YY1: variants seen among roughly 807,000 people sequenced by gnomAD.
YY1 encodes the protein transcriptional repressor protein YY1.
YY1 carries 2 observed loss-of-function variants against 35.6 expected under a neutral mutation model. The ratio of observed to expected loss-of-function variants is 0.06; its 90% CI spans 0.02 to 0.18. The LOEUF (loss-of-function observed/expected upper bound fraction) is 0.18, where lower values mean the gene tolerates loss of function less well. YY1 is among the 10% of genes least tolerant of loss of function. The probability of loss-of-function intolerance (pLI) is 1.00; values close to 1 mark genes in which losing one functional copy is unlikely to be tolerated. For missense variants in YY1, 322 were observed against 573.4 expected, an observed-to-expected ratio of 0.56 and a Z score of 4.48; for synonymous variants, 268 against 238.9, an observed-to-expected ratio of 1.12 and a Z score of -1.12.
Position 100,276,359 on chromosome 14 carries a change from TACTA to T in YY1, c.904-129_904-126del. 5 of 1,246,688 alleles carry T rather than the reference TACTA, an allele frequency of 4.0e-6. No homozygotes were observed. The highest frequency in any genetic ancestry group is 5.7e-6 in the Non-Finnish European group (5 of 872,088). 77.2% of individuals were successfully genotyped at this position (1,246,688 alleles called of 1,614,324 possible). ...AAATGATATTAATGTTCTACCGTAA[TACTA>T]AGTAAAATTAAAATGGGGGGTTGGG... is the stretch of plus-strand genomic sequence containing the variant. On this transcript the variant is annotated intron_variant, in intron 3 of 4. Coordinates refer to ENST00000262238, the MANE Select transcript of YY1 (RefSeq NM_003403.5). The surrounding 1 kb of genome is among the most constrained non-coding windows in gnomAD (Gnocchi z 4.1).
intron 2 of YY1, among the ~76,000 whole-genome samples, chr14:100,265,905 C>A (rs1454953244): frequency 6.6e-6 from 1 of 152,130 alleles, no homozygotes; most frequent in Non-Finnish European, 1.5e-5. Context: ...CCTCGGCCTC[C>A]CAAAGGGCTG....
chr14:100,271,529 T>C (rs1223128056), intron 2 of YY1, among the ~76,000 whole-genome samples: 1 of 152,172 alleles, frequency 6.6e-6, no homozygotes, highest in East Asian at 1.9e-4. Flanking sequence ...TTCAAAATGC[T>C]TAGGAACAGT....
At position 100,277,632 on chromosome 14, in the gene YY1, G is replaced by A. The variant is rs1342624144; in HGVS notation, c.*32G>A. 6.2e-7 allele frequency: 1 copy of A among 1,607,922 alleles called. No homozygotes were observed. The highest frequency in any genetic ancestry group is 1.1e-5 in the South Asian group (1 of 90,796). On this transcript the variant is annotated 3_prime_UTR_variant, in exon 5 of 5. Transcript: ENST00000262238. The surrounding 1 kb of genome is among the most constrained non-coding windows in gnomAD (Gnocchi z 5.6). Reference sequence around the variant, plus strand: ...GAGAGAAGACCCTTCTCGACCACGGGAAGCATCTTCCAGAAGTGTGATTGG... The same window carrying A: ...GAGAGAAGACCCTTCTCGACCACGGAAAGCATCTTCCAGAAGTGTGATTGG...
intron 2 of YY1, among the ~76,000 whole-genome samples, chr14:100,269,936 G>A (rs962783365): frequency 2.0e-5 from 3 of 152,054 alleles, no homozygotes; most frequent in Non-Finnish European, 4.4e-5. Flanking sequence ...CTTTGGGGGC[G>A]TATTTGAAAA....
chr14:100,247,470 C>A (rs1890851173), intron 1 of YY1, among the ~76,000 whole-genome samples: 2 of 151,860 alleles, frequency 1.3e-5, no homozygotes, highest in African/African-American at 4.8e-5. Flanking sequence ...CAGCCTCGAC[C>A]TCCTGGGCTC....
At chr14:100,264,114 C>T (rs1330340086) in intron 2 of YY1, 2 of 152,120 alleles carry the variant, frequency 1.3e-5, no homozygotes, top group Non-Finnish European at 2.9e-5. Context: ...ATCCTCCTGC[C>T]TCGGTCTCTC....
In YY1 at chr14:100,239,733, C is replaced by T; in HGVS notation, c.489C>T (p.Gly163=). ...VAAAGKSGGG[G]SSSSGGGRVK... is the part of the protein sequence containing the mutation. ...CGGCCGGCAAGAGCGGCGGCGGCGG[C>T]TCGTCGTCGTCGGGAGGCGGCCGCG... The change falls in exon 1 of 5, where the codon GGC becomes GGT. Residue 163 remains glycine, a synonymous_variant. Transcript: ENST00000262238. 6.3e-7 allele frequency: 1 copy of T among 1,591,692 alleles called. No homozygotes were observed. Among genetic ancestry groups the T allele is most frequent in the Non-Finnish European group, 8.5e-7 (1 of 1,173,936 alleles).
At chr14:100,272,962 T>TTTG (rs1285236383) in intron 2 of YY1, among the ~76,000 whole-genome samples, 2 of 132,592 alleles carry the variant, frequency 1.5e-5, no homozygotes, top group South Asian at 3.1e-4. Context: ...TTGTTTTTTT[T>TTTG]TTGTTTTTTT....
intron 1 of YY1, among the ~76,000 whole-genome samples, chr14:100,245,243 T>A (rs1287922048): frequency 1.3e-5 from 2 of 152,190 alleles, no homozygotes; most frequent in African/African-American, 2.4e-5. Context: ...TCCTGTTTCT[T>A]CTGTATTTAA....
At chr14:100,271,265 T>A (rs920070012) in intron 2 of YY1, among the ~76,000 whole-genome samples, 1 of 151,962 alleles carries the variant, frequency 6.6e-6, no homozygotes, top group East Asian at 1.9e-4. Context: ...AATAAATTAA[T>A]TAAATTAAAT....
chr14:100,281,009 G>C lies in YY1; in HGVS notation c.*3409G>C, dbSNP rs909187170. 1 of 129,436 alleles carries C rather than the reference G, an allele frequency of 7.7e-6. No individual in the cohort carries two copies. The highest frequency in any genetic ancestry group is 2.9e-5 in the African/African-American group (1 of 34,406). 8.0% of individuals were successfully genotyped at this position (129,436 alleles called of 1,614,324 possible). A position where few individuals can be genotyped will look rare whatever the true frequency, so the allele number is the denominator to read the frequency against. On this transcript the variant is annotated 3_prime_UTR_variant, in exon 5 of 5. Transcript: ENST00000262238. ...CGGGAGGCGGAGCTTGCAGTGAGCC[G>C]AGATCGCACCACTGCACTCCAGCCT...
chr14:100,269,043 G>T (rs1891195304), intron 2 of YY1, among the ~76,000 whole-genome samples: 2 of 152,206 alleles, frequency 1.3e-5, no homozygotes, highest in South Asian at 2.1e-4. Context: ...AAATCGGGCA[G>T]TCATGTCATT....
intron 1 of YY1, among the ~76,000 whole-genome samples, chr14:100,260,336 T>A (rs919774050): frequency 6.6e-6 from 1 of 151,590 alleles, no homozygotes; most frequent in African/African-American, 2.4e-5. Flanking sequence ...TGAGCCACTG[T>A]GGCCTGGCCG....
Position 100,277,817 on chromosome 14 carries a change from C to A in YY1, c.*217C>A. On this transcript the variant is annotated 3_prime_UTR_variant, in exon 5 of 5. Coordinates refer to ENST00000262238, the MANE Select transcript of YY1 (RefSeq NM_003403.5). This position sits in a 1 kb window ranked among gnomAD's most constrained non-coding sequence, Gnocchi z 5.6. ...GATGCTCTATCTTGCTCTGTAATCT[C>A]GTTTCAAAAACACAGTGTTTTTGTA... The A allele has an allele frequency of 1.8e-6, 1 of 565,446 alleles. No homozygotes were observed. Among genetic ancestry groups the A allele is most frequent in the Non-Finnish European group, 3.1e-6 (1 of 326,316 alleles). The allele number at this position is 565,446 out of a possible 1,614,324, so 35.0% of individuals were successfully genotyped here.
rs1053342194 is a variant in YY1 at position 100,277,613 on chromosome 14, A to C, written c.*13A>C. The stretch of plus-strand genomic sequence containing the variant: ...AAACAACCAGTGAAAAGAAGAGAGA[A>C]GACCCTTCTCGACCACGGGAAGCAT... On this transcript the variant is annotated 3_prime_UTR_variant, in exon 5 of 5. Transcript: ENST00000262238. This position sits in a 1 kb window ranked among gnomAD's most constrained non-coding sequence, Gnocchi z 5.6. 1.9e-6 allele frequency: 3 copies of C among 1,613,846 alleles called. No individual in the cohort carries two copies. The highest frequency in any genetic ancestry group is 8.5e-7 in the Non-Finnish European group (1 of 1,179,856).
Position 100,271,462 on chromosome 14 carries a change from T to G in YY1, c.843-3236T>G, listed in dbSNP as rs560070390. Among the ~76,000 whole-genome samples, 569 of 152,250 alleles carry G rather than the reference T, an allele frequency of 3.7e-3. 4 individuals are homozygous for G. The highest frequency in any genetic ancestry group is 0.013 in the African/African-American group (543 of 41,524). ...AAGAAAGGCTAGTTCAGAGTCCTGTTTACAACAGGCACTTAAAAAAACTTG... is the reference window on the plus strand; with the variant it reads ...AAGAAAGGCTAGTTCAGAGTCCTGTGTACAACAGGCACTTAAAAAAACTTG... On this transcript the variant is annotated intron_variant, in intron 2 of 4. Coordinates refer to ENST00000262238, the MANE Select transcript of YY1 (RefSeq NM_003403.5).
intron 2 of YY1, among the ~76,000 whole-genome samples, chr14:100,270,523 T>A (rs1457521444): frequency 6.6e-6 from 1 of 150,522 alleles, no homozygotes; most frequent in East Asian, 2.0e-4. Context: ...CTCAGGAGGC[T>A]GAGGCAGGAG....
intron 1 of YY1, among the ~76,000 whole-genome samples, chr14:100,258,716 G>A (rs1278558098): frequency 2.6e-5 from 4 of 152,158 alleles, no homozygotes. Flanking sequence ...TAACCTCTCT[G>A]TGCCTGCGCA....
At chr14:100,274,656 C>T (rs368305482) in intron 2 of YY1, 42 bp from the exon 3 acceptor site, 7 of 1,561,748 alleles carry the variant, frequency 4.5e-6, no homozygotes, top group Non-Finnish European at 5.3e-6. Flanking sequence ...TGAGTCTACC[C>T]ACTCCTACAA....
Sources: gnomAD v4.1 joint callset for allele counts (sites outside exome capture counted in the v4.1 genomes callset) on GRCh38, gnomAD v4.1.1 for gene constraint, Gnocchi (gnomAD v3.1) non-coding constraint, MANE v1.5 for transcripts, NCBI Gene and HGNC (gene_info 2026-07-23, HGNC 2026-07-21) for gene names.